EYS: variants seen among roughly 807,000 people sequenced by gnomAD.
EYS encodes the protein EGF-like photoreceptor maintenance factor, also known as protein eyes shut homolog.
EYS carries 250 observed loss-of-function variants against 282.1 expected under a neutral mutation model. The observed-to-expected ratio is 0.89, with a 90% CI of 0.80 to 0.98. The LOEUF is 0.98. Among genes scored for constraint, EYS ranks in the 50% least tolerant of loss-of-function variants. The pLI is 0.00. For synonymous variants in EYS, 1,355 were observed against 1,282.9 expected (o/e 1.06, Z -1.20); for missense variants, 4,016 against 3,709.0 (o/e 1.08, Z -2.15).
intron 11 of EYS, among the ~76,000 whole-genome samples, chr6:65,328,548 A>G (rs1404857776): frequency 1.3e-5 from 2 of 151,164 alleles, no homozygotes; most frequent in East Asian, 1.9e-4. Flanking sequence ...AAAATATGTA[A>G]ATCTAAAGAA....
intron 1 of EYS, among the ~76,000 whole-genome samples, chr6:65,698,453 T>G (rs1161487722): frequency 6.6e-6 from 1 of 152,112 alleles, no homozygotes. Flanking sequence ...ATATAAGACT[T>G]TTTCTTGAAT....
intron 26 of EYS, among the ~76,000 whole-genome samples, chr6:64,447,003 T>C: frequency 6.6e-6 from 1 of 151,218 alleles, no homozygotes; most frequent in Admixed American, 6.6e-5. Flanking sequence ...GGGGTGCTCA[T>C]GTACATTTGC....
chr6:65,068,826 T>C (rs971418679), intron 12 of EYS, among the ~76,000 whole-genome samples: 1 of 152,108 alleles, frequency 6.6e-6, no homozygotes. Flanking sequence ...TGTTCAACTC[T>C]ACTCATAAGC....
At chr6:65,327,952 A>T (rs925246063) in intron 11 of EYS, among the ~76,000 whole-genome samples, 1 of 151,538 alleles carries the variant, frequency 6.6e-6, no homozygotes, top group Non-Finnish European at 1.5e-5. Context: ...GACTTAACAT[A>T]AAAAATTTAT....
At chr6:65,381,811 C>A (rs184744497) in intron 8 of EYS, among the ~76,000 whole-genome samples, 2 of 151,580 alleles carry the variant, frequency 1.3e-5, no homozygotes, top group African/African-American at 4.8e-5. Context: ...CAAATACACC[C>A]CACCATGAAA....
chr6:63,964,936 A>G (rs928070840), intron 35 of EYS, among the ~76,000 whole-genome samples: 2 of 152,188 alleles, frequency 1.3e-5, no homozygotes, highest in African/African-American at 4.8e-5. Context: ...TAAAATAAAA[A>G]CAATCTTCAC....
At position 65,353,547 on chromosome 6, in the gene EYS, T is replaced by G; in HGVS notation, c.1370A>C (p.His457Pro). 1 of 1,613,204 alleles carries G rather than the reference T, an allele frequency of 6.2e-7. No homozygotes were observed. The highest frequency in any genetic ancestry group is 8.5e-7 in the Non-Finnish European group (1 of 1,179,456). ...GAAGGTGACTCCACAGTAGCAGAGGTGTTGATGAATTAGGTAAACATTCTT... is the reference window on the plus strand; with the variant it reads ...GAAGGTGACTCCACAGTAGCAGAGGGGTTGATGAATTAGGTAAACATTCTT... ...FLKNVYLIHQ[H>P]LCYCGVTFHG... The change falls in exon 9 of 43, where the codon CAC becomes CCC. Residue 457 changes from histidine (H) to proline (P), a missense_variant. His to Pro is a moderately conservative substitution (Grantham distance 77). Transcript: ENST00000503581.
At chr6:64,032,613 G>C (rs1769906869) in intron 33 of EYS, among the ~76,000 whole-genome samples, 1 of 152,192 alleles carries the variant, frequency 6.6e-6, no homozygotes, top group Admixed American at 6.5e-5. Context: ...GAAGTAAGTA[G>C]TGGGTCTCTA....
intron 31 of EYS, among the ~76,000 whole-genome samples, chr6:64,174,426 T>C (rs1764566801): frequency 6.6e-6 from 1 of 152,028 alleles, no homozygotes; most frequent in Non-Finnish European, 1.5e-5. Flanking sequence ...ATAATAGTAA[T>C]ACTTAAATTG....
At chr6:64,901,716 G>A (rs1767670060) in intron 18 of EYS, among the ~76,000 whole-genome samples, 2 of 151,942 alleles carry the variant, frequency 1.3e-5, no homozygotes, top group African/African-American at 4.8e-5. Flanking sequence ...CCAGTAGAAT[G>A]ATAAATGTTG....
intron 22 of EYS, among the ~76,000 whole-genome samples, chr6:64,788,002 T>C (rs1040311244): frequency 6.6e-6 from 1 of 152,056 alleles, no homozygotes; most frequent in Non-Finnish European, 1.5e-5. Context: ...ATAATAATTA[T>C]ATTTTTGAAG....
chr6:63,757,178 G>A (rs1562011809), intron 41 of EYS, among the ~76,000 whole-genome samples: 1 of 152,048 alleles, frequency 6.6e-6, no homozygotes, highest in Non-Finnish European at 1.5e-5. Context: ...TCCTAGCAAG[G>A]AATGTTGATA....
chr6:64,934,575 C>A (rs894276146), intron 15 of EYS, among the ~76,000 whole-genome samples: 1 of 151,732 alleles, frequency 6.6e-6, no homozygotes, highest in Non-Finnish European at 1.5e-5. Flanking sequence ...CCATCAGAAG[C>A]CACCATGTAG....
intron 26 of EYS, among the ~76,000 whole-genome samples, chr6:64,468,271 A>G (rs1775988773): frequency 6.6e-6 from 1 of 152,226 alleles, no homozygotes; most frequent in South Asian, 2.1e-4. Context: ...GCTGCCACTG[A>G]TTACAGCTAA....
At chr6:64,896,603 C>T (rs934929201) in intron 18 of EYS, among the ~76,000 whole-genome samples, 1 of 151,576 alleles carries the variant, frequency 6.6e-6, no homozygotes, top group African/African-American at 2.4e-5. Context: ...AAGAGAGAAC[C>T]CTTCACTCCG....
chr6:64,600,427 T>A (rs1562085699), intron 24 of EYS, among the ~76,000 whole-genome samples: 1 of 152,046 alleles, frequency 6.6e-6, no homozygotes, highest in East Asian at 1.9e-4. Flanking sequence ...CCCATAATAA[T>A]AAAAAAACTC....
At chr6:64,676,600 G>A (rs1298496028) in intron 22 of EYS, among the ~76,000 whole-genome samples, 1 of 152,106 alleles carries the variant, frequency 6.6e-6, no homozygotes, top group Middle Eastern at 3.4e-3. Context: ...CATACATTTT[G>A]TATATATATG....
chr6:64,458,104 T>C (rs1401036178), intron 26 of EYS, among the ~76,000 whole-genome samples: 6 of 152,092 alleles, frequency 3.9e-5, no homozygotes, highest in African/African-American at 1.2e-4. Flanking sequence ...AAATTCATGA[T>C]GTCACAAGTT....
intron 31 of EYS, among the ~76,000 whole-genome samples, chr6:64,185,290 T>A (rs1451891035): frequency 6.6e-6 from 1 of 152,204 alleles, no homozygotes; most frequent in Non-Finnish European, 1.5e-5. Flanking sequence ...TAATTTCACT[T>A]CTAACCCACA....
Sources: gnomAD v4.1 joint callset for allele counts (sites outside exome capture counted in the v4.1 genomes callset) on GRCh38, gnomAD v4.1.1 for gene constraint, MANE v1.5 for transcripts, NCBI Gene and HGNC (gene_info 2026-07-23, HGNC 2026-07-21) for gene names.